A2M: variants seen among roughly 807,000 people sequenced by gnomAD.
The protein encoded by A2M is C3 and PZP-like alpha-2-macroglobulin domain-containing protein 5.
A2M carries 128 observed loss-of-function variants against 183.9 expected under a neutral mutation model. The ratio of observed to expected loss-of-function variants is 0.70; its 90% CI spans 0.60 to 0.81. A2M has a LOEUF of 0.81. Among genes scored for constraint, A2M ranks in the 30% least tolerant of loss-of-function variants. The pLI is 0.00. For synonymous variants in A2M, 592 were observed against 670.8 expected (o/e 0.88, Z 1.81); for missense variants, 1,495 against 1,787.6 (o/e 0.84, Z 2.95).
chr12:9,079,844 A>G (rs1314306574), intron 23 of A2M, 29 bp from the exon 24 acceptor site: 1 of 1,532,570 alleles, frequency 6.5e-7, no homozygotes, highest in African/African-American at 1.4e-5. Flanking sequence ...GGGAAGTCAT[A>G]AAGCTTGGAG....
chr12:9,068,362 C>T (rs1433368514), intron 34 of A2M, 138 bp from the exon 35 acceptor site: 4 of 857,972 alleles, frequency 4.7e-6, no homozygotes, highest in Admixed American at 2.5e-5. Context: ...AAGCATCATT[C>T]ATCTGATGTG....
At chr12:9,109,000 C>T (rs1337879910) in intron 7 of A2M, among the ~76,000 whole-genome samples, 1 of 151,076 alleles carries the variant, frequency 6.6e-6, no homozygotes, top group East Asian at 1.9e-4. Flanking sequence ...TAAGGCAGAA[C>T]CAATACCCTT....
At chr12:9,095,476 C>G (rs1949344999) in intron 16 of A2M, 63 bp downstream of exon 16, 1 of 1,502,398 alleles carries the variant, frequency 6.7e-7, no homozygotes, top group South Asian at 1.2e-5. Flanking sequence ...AATACAGACT[C>G]TTTTCCATGT....
intron 31 of A2M, 43 bp downstream of exon 31, chr12:9,072,316 G>A: frequency 1.9e-6 from 3 of 1,601,960 alleles, no homozygotes; most frequent in Non-Finnish European, 1.7e-6. Flanking sequence ...AAGAAGACTG[G>A]TGGTTATTCT....
At chr12:9,109,099 G>C (rs989720449) in intron 7 of A2M, among the ~76,000 whole-genome samples, 1 of 152,054 alleles carries the variant, frequency 6.6e-6, no homozygotes, top group African/African-American at 2.4e-5. Flanking sequence ...AACCTCTCTA[G>C]AAACAGTTTC....
intron 34 of A2M, 71 bp from the exon 35 acceptor site, chr12:9,068,295 G>T: frequency 1.3e-6 from 2 of 1,505,362 alleles, no homozygotes; most frequent in Non-Finnish European, 9.0e-7. Context: ...AACATCTGTG[G>T]GATACAGGCC....
At chr12:9,075,962 T>C (rs1948737194) in intron 28 of A2M, among the ~76,000 whole-genome samples, 1 of 152,230 alleles carries the variant, frequency 6.6e-6, no homozygotes, top group South Asian at 2.1e-4. Flanking sequence ...AATTAATGGC[T>C]GTCAAAGGAA....
At position 9,077,383 on chromosome 12, in the gene A2M, A is replaced by T. The variant is rs1948778342; in HGVS notation, c.3314T>A (p.Ile1105Asn). ...AGGAATCTCCAGAAGGGCGATGGTGATATAGGCGGAGAGGGTCACTTCATC... is the reference window on the plus strand; with the variant it reads ...AGGAATCTCCAGAAGGGCGATGGTGTTATAGGCGGAGAGGGTCACTTCATC... The part of the protein sequence containing the change: ...VEDEVTLSAY[I>N]TIALLEIPLT... The change falls in exon 27 of 36, where the codon ATC (isoleucine) becomes AAC (asparagine). Residue 1105 changes from isoleucine (I) to asparagine (N), a missense_variant. Ile to Asn is a moderately radical substitution (Grantham distance 149). Coordinates refer to ENST00000318602, the MANE Select transcript of A2M (RefSeq NM_000014.6). 6.2e-7 allele frequency: 1 copy of T among 1,613,580 alleles called. No individual in the cohort carries two copies. Among genetic ancestry groups the T allele is most frequent in the Non-Finnish European group, 8.5e-7 (1 of 1,179,892 alleles).
At chr12:9,081,486 A>G (rs1948905148) in intron 22 of A2M, among the ~76,000 whole-genome samples, 1 of 152,234 alleles carries the variant, frequency 6.6e-6, no homozygotes. Flanking sequence ...TCCTCCCTCC[A>G]CAGAAAGTCC....
chr12:9,110,993 T>A lies in A2M; in HGVS notation c.484-659A>T. On this transcript the variant is annotated intron_variant, in intron 4 of 35. Transcript: ENST00000318602. ...TTACAGGTTGAGAAATAAACACTTATGTAACTATAAGTAAATATGTTCAGA... is the reference window on the plus strand; with the variant it reads ...TTACAGGTTGAGAAATAAACACTTAAGTAACTATAAGTAAATATGTTCAGA... 1.3e-5 allele frequency among the ~76,000 whole-genome samples: 2 copies of A among 152,186 alleles called. 1 individual carries two copies. Among genetic ancestry groups the A allele is most frequent in the Non-Finnish European group, 2.9e-5 (2 of 68,022 alleles).
chr12:9,089,142 C>T (rs373764584), intron 22 of A2M, 58 bp downstream of exon 22: 1 of 1,298,004 alleles, frequency 7.7e-7, no homozygotes, highest in Non-Finnish European at 1.1e-6. Context: ...TATAAATGTT[C>T]TTTGAACTTT....
At position 9,079,729 on chromosome 12, in the gene A2M, C is replaced by A. The variant is rs201667231; in HGVS notation, c.2941G>T (p.Ala981Ser). 2.8e-4 allele frequency: 452 copies of A among 1,613,572 alleles called. No homozygotes were observed. Among genetic ancestry groups the A allele is most frequent in the Non-Finnish European group, 3.5e-4 (414 of 1,179,788 alleles). The change falls in exon 24 of 36, where the codon GCT becomes TCT. Residue 981 changes from alanine (A) to serine (S), a missense_variant. Transcript: ENST00000318602. Reference protein sequence around the residue: ...GCGEQNMVLFAPNIYVLDYLN... With the variant: ...GCGEQNMVLFSPNIYVLDYLN... ...TAATCCAGTACATAGATGTTAGGAG[C>A]AAAGAGGACCATATTCTGCTCTCCA...
intron 22 of A2M, among the ~76,000 whole-genome samples, chr12:9,088,859 G>A (rs748808877): frequency 1.7e-4 from 26 of 152,056 alleles, no homozygotes; most frequent in African/African-American, 5.8e-4. Context: ...AAATTCAGCC[G>A]TCCATAGTTT....
At chr12:9,089,348 G>C in intron 21 of A2M, 97 bp from the exon 22 acceptor site, 3 of 894,800 alleles carry the variant, frequency 3.4e-6, no homozygotes, top group Non-Finnish European at 5.4e-6. Flanking sequence ...GTGAAGAGAA[G>C]GATTTGAACT....
At chr12:9,067,972 C>T (rs139404933) in intron 35 of A2M, 133 bp from the exon 36 acceptor site, 1 of 1,013,450 alleles carries the variant, frequency 9.9e-7, no homozygotes, top group African/African-American at 1.6e-5. Flanking sequence ...AAATCTATTC[C>T]AAATCATTAC....
rs1232302714 is a variant in A2M at position 9,093,477 on chromosome 12, A to G, written c.2228T>C (p.Leu743Ser). 6.2e-7 allele frequency: 1 copy of G among 1,613,728 alleles called. No homozygotes were observed. The highest frequency in any genetic ancestry group is 1.7e-4 in the Middle Eastern group (1 of 6,050). Residue 743 changes from leucine (L) to serine (S), a missense_variant, in exon 18 of 36, where the codon TTG becomes TCG. Physicochemically the swap from Leu to Ser is moderately radical, Grantham distance 145 (BLOSUM62 -2). Coordinates refer to ENST00000318602, the MANE Select transcript of A2M (RefSeq NM_000014.6). ...KYFPETWIWD[L>S]VVVNSAGVAE... The stretch of plus-strand genomic sequence containing the variant: ...GGAAGTTACTTACTTTACCACCACC[A>G]AATCCCAGATCCATGTCTCAGGGAA...
At position 9,070,507 on chromosome 12, in the gene A2M, A is replaced by C; in HGVS notation, c.4175T>G (p.Leu1392Arg). The change falls in exon 32 of 36, where the codon CTG becomes CGG. Residue 1392 changes from leucine to arginine, a missense_variant. Transcript: ENST00000318602. ...ACCTACCATTTTCACTGTTGGCTTC[A>C]GGGGAATGAAGCCAGAGACCATCTT... ...DVKMVSGFIP[L>R]KPTVKMLERS... The C allele has an allele frequency of 6.2e-7, 1 of 1,613,644 alleles. No individual in the cohort carries two copies.
chr12:9,095,154 T>C (rs2137823748), intron 16 of A2M, 70 bp from the exon 17 acceptor site: 1 of 809,208 alleles, frequency 1.2e-6, no homozygotes, highest in Non-Finnish European at 1.9e-6. Flanking sequence ...TACTTCTTTT[T>C]ATTGAATTTG....
chr12:9,115,877 A>C lies in A2M; in HGVS notation c.-28T>G, dbSNP rs226380. The C allele has an allele frequency of 0.49, 783,000 of 1,583,780 alleles. 201,272 individuals carry two copies. Among genetic ancestry groups the C allele is most frequent in the African/African-American group, 0.77 (56,893 of 74,258 alleles). On this transcript the variant is annotated 5_prime_UTR_variant, in exon 1 of 36. Transcript: ENST00000318602. ...TGCAGAAAGAAGGAGCTGGAGGAGA[A>C]CAGACTGTATTGTACCCTACTCCCT...
Sources: gnomAD v4.1 joint callset for allele counts (sites outside exome capture counted in the v4.1 genomes callset) on GRCh38, gnomAD v4.1.1 for gene constraint, MANE v1.5 for transcripts, NCBI Gene and HGNC (gene_info 2026-07-23, HGNC 2026-07-21) for gene names.